SORBS2: variants seen among roughly 807,000 people sequenced by gnomAD.
SORBS2 encodes the protein sorbin and SH3 domain-containing protein 2.
In SORBS2, 46 loss-of-function variants were observed where a neutral mutation model predicts 97.7. That is an observed-to-expected ratio of 0.47 (90% confidence interval 0.37 to 0.60). The LOEUF is 0.60. Ranked by LOEUF, SORBS2 falls within the 20% of genes least tolerant of loss-of-function variation. The pLI, the probability that SORBS2 is intolerant of heterozygous loss-of-function variation, is 0.00. For synonymous variants in SORBS2, 476 were observed against 473.4 expected (o/e 1.01, Z -0.07); for missense variants, 1,316 against 1,282.3 (o/e 1.03, Z -0.40).
At chr4:185,753,055 G>C (rs892855490) in intron 2 of SORBS2, among the ~76,000 whole-genome samples, 1 of 152,234 alleles carries the variant, frequency 6.6e-6, no homozygotes, top group African/African-American at 2.4e-5. Flanking sequence ...CTCAGAACCA[G>C]TGACCACGGC....
rs1261873833 is a variant in SORBS2 at position 185,731,908 on chromosome 4, AT to A, written c.-198+43318del. Among the ~76,000 whole-genome samples, 247 of 72,494 alleles carry A rather than the reference AT, an allele frequency of 3.4e-3. 1 individual carries two copies. The highest frequency in any genetic ancestry group is 8.1e-3 in the Middle Eastern group (1 of 124). The allele number at this position is 72,494 out of a possible 152,430, so 47.6% of individuals were successfully genotyped here. ...TATATATATATATATATATATATAT[AT>A]GTCTGTTTCTCTGTCTCACTCTAGA... On this transcript the variant is annotated intron_variant, in intron 2 of 20. Coordinates refer to the SORBS2 transcript ENST00000284776.
exon 14 of SORBS2, chr4:185,589,762 G>T: frequency 6.2e-7 from 1 of 1,607,844 alleles, no homozygotes; most frequent in Non-Finnish European, 8.5e-7. Flanking sequence ...ATTCCTGGGA[G>T]TATAGTTATA....
chr4:185,854,785 A>AAGAGAG (rs10560938), intron 1 of SORBS2, among the ~76,000 whole-genome samples: 40 of 149,798 alleles, frequency 2.7e-4, no homozygotes, highest in South Asian at 2.3e-3. Flanking sequence ...AGAAATAGAG[A>AAGAGAG]AGAGAGAGAG....
At chr4:185,716,175 G>A (rs1024757267) in intron 2 of SORBS2, among the ~76,000 whole-genome samples, 1 of 152,230 alleles carries the variant, frequency 6.6e-6, no homozygotes, top group African/African-American at 2.4e-5. Flanking sequence ...GACAGAGATG[G>A]GCGTGGTCTC....
intron 4 of SORBS2, among the ~76,000 whole-genome samples, chr4:185,641,329 C>T (rs1343930043): frequency 6.6e-6 from 1 of 151,990 alleles, no homozygotes; most frequent in Admixed American, 6.6e-5. Flanking sequence ...TTATCGATAA[C>T]TTTGGAATGC....
At chr4:185,924,095 A>G (rs1271407127) in intron 1 of SORBS2, among the ~76,000 whole-genome samples, 1 of 152,212 alleles carries the variant, frequency 6.6e-6, no homozygotes, top group African/African-American at 2.4e-5. Flanking sequence ...TGTGACATGA[A>G]TGAATGAGTG....
chr4:185,686,584 C>A (rs1040479213), intron 2 of SORBS2, among the ~76,000 whole-genome samples: 1 of 152,088 alleles, frequency 6.6e-6, no homozygotes, highest in Non-Finnish European at 1.5e-5. Context: ...GAGACAAGTG[C>A]GTCTGATAAG....
chr4:185,633,468 G>GT (rs1472011042), intron 4 of SORBS2, among the ~76,000 whole-genome samples: 2 of 147,580 alleles, frequency 1.4e-5, no homozygotes, highest in African/African-American at 5.0e-5. Context: ...CTTTTTATGT[G>GT]TTGTTTTTTT....
chr4:185,835,646 GA>G (rs2099207619), intron 1 of SORBS2, among the ~76,000 whole-genome samples: 1 of 137,746 alleles, frequency 7.3e-6, no homozygotes, highest in Non-Finnish European at 1.5e-5. Flanking sequence ...TGCCAATTTT[GA>G]AAGGATTTTT....
chr4:185,806,995 G>A (rs2099159668), intron 1 of SORBS2, among the ~76,000 whole-genome samples: 1 of 152,094 alleles, frequency 6.6e-6, no homozygotes, highest in African/African-American at 2.4e-5. Context: ...CAAAGCAGAG[G>A]ATATAATTCA....
At chr4:185,800,066 C>T (rs763060758) in intron 1 of SORBS2, among the ~76,000 whole-genome samples, 25 of 152,178 alleles carry the variant, frequency 1.6e-4, no homozygotes, top group South Asian at 1.2e-3. Flanking sequence ...TGGTGGTGCA[C>T]GCCTGTAATC....
chr4:185,802,893 T>G (rs998128680), intron 1 of SORBS2, among the ~76,000 whole-genome samples: 1 of 152,246 alleles, frequency 6.6e-6, no homozygotes, highest in African/African-American at 2.4e-5. Flanking sequence ...CATTCTGTTT[T>G]GTTGACCAGA....
intron 1 of SORBS2, among the ~76,000 whole-genome samples, chr4:185,924,942 A>G (rs2099262864): frequency 6.6e-6 from 1 of 152,140 alleles, no homozygotes; most frequent in Non-Finnish European, 1.5e-5. Context: ...GTGTTCCTCC[A>G]GTCATCCGAG....
At chr4:185,694,346 A>C (rs10434304) in intron 2 of SORBS2, among the ~76,000 whole-genome samples, 7 of 152,052 alleles carry the variant, frequency 4.6e-5, no homozygotes, top group Non-Finnish European at 1.0e-4. Flanking sequence ...GAATTGAACC[A>C]GGGACGAGAC....
At chr4:185,940,779 G>A (rs1003543823) in intron 1 of SORBS2, among the ~76,000 whole-genome samples, 2 of 152,164 alleles carry the variant, frequency 1.3e-5, no homozygotes, top group Non-Finnish European at 2.9e-5. Flanking sequence ...CAAAATGTGT[G>A]CAAAACATCA....
intron 1 of SORBS2, among the ~76,000 whole-genome samples, chr4:185,882,770 A>G (rs994742478): frequency 6.6e-6 from 1 of 152,174 alleles, no homozygotes; most frequent in African/African-American, 2.4e-5. Context: ...TAGAGAGTCC[A>G]AAAAAGGCCC....
chr4:185,742,521 G>T (rs2098733701), intron 2 of SORBS2, among the ~76,000 whole-genome samples: 2 of 152,190 alleles, frequency 1.3e-5, no homozygotes, highest in African/African-American at 4.8e-5. Flanking sequence ...AGATTAAGAG[G>T]CCACAGCCTC....
rs187469864 is a variant in SORBS2 at position 185,930,454 on chromosome 4, C to A, written c.-338+25742G>T. 4.6e-5 allele frequency among the ~76,000 whole-genome samples: 7 copies of A among 152,220 alleles called. No homozygotes were observed. In the East Asian group the frequency reaches 1.4e-3, roughly 29 times the overall value. ...GGACTACAGGCGACCGCCACCACCA[C>A]GCCCGGCTAATTTTTTGTATTTTTT... On this transcript the variant is annotated intron_variant, in intron 1 of 20. Coordinates refer to the SORBS2 transcript ENST00000284776.
intron 1 of SORBS2, among the ~76,000 whole-genome samples, chr4:185,797,893 C>T (rs1561093677): frequency 6.6e-6 from 1 of 152,226 alleles, no homozygotes; most frequent in Non-Finnish European, 1.5e-5. Context: ...ATGCCCCTGC[C>T]TTCACCATGC....
Sources: allele counts gnomAD v4.1 joint callset (sites outside exome capture counted in the v4.1 genomes callset), GRCh38; gene constraint gnomAD v4.1.1; transcripts MANE v1.5; gene names NCBI Gene and HGNC (gene_info 2026-07-23, HGNC 2026-07-21).